ARRB2: variants seen among roughly 807,000 people sequenced by gnomAD.
ARRB2 encodes the protein beta-arrestin-2.
A neutral mutation model predicts 53.4 loss-of-function variants in ARRB2; 21 were observed. The ratio of observed to expected loss-of-function variants is 0.39; its 90% confidence interval spans 0.28 to 0.57. The LOEUF is 0.57. ARRB2 is among the 20% of genes least tolerant of loss of function. The pLI, the probability that ARRB2 is intolerant of heterozygous loss-of-function variation, is 0.55. For synonymous variants in ARRB2, 180 were observed against 212.9 expected, an observed-to-expected ratio of 0.85 and a Z score of 1.34; for missense variants, 369 against 527.5, an observed-to-expected ratio of 0.70 and a Z score of 2.94.
rs761635740 is a variant in ARRB2, at chr17:4,717,210, G to A, written c.358-7G>A. 26 of 1,613,670 alleles carry A rather than the reference G, an allele frequency of 1.6e-5. 1 individual carries two copies. In the East Asian group the frequency reaches 2.0e-4, roughly 12 times the overall value. On this transcript the variant is annotated splice_region_variant and splice_polypyrimidine_tract_variant and intron_variant, in intron 5 of 14. Transcript: ENST00000269260. The surrounding 1 kb of genome is among the most constrained non-coding windows in gnomAD (Gnocchi z 6.0). ...AGAACTGAAGTCTTCTCCTTCCTCCGCCACAGATACCCCAGAATCTTCCAT... is the reference window on the plus strand; with the variant it reads ...AGAACTGAAGTCTTCTCCTTCCTCCACCACAGATACCCCAGAATCTTCCAT...
Position 4,721,104 on chromosome 17 carries a change from A to G in ARRB2, c.*65A>G. 6.7e-7 allele frequency: 1 copy of G among 1,483,680 alleles called. No individual in the cohort carries two copies. Among genetic ancestry groups the G allele is most frequent in the African/African-American group, 1.4e-5 (1 of 72,250 alleles). 91.9% of individuals were successfully genotyped at this position (1,483,680 alleles called of 1,614,324 possible). On this transcript the variant is annotated 3_prime_UTR_variant, in exon 15 of 15. Coordinates refer to ENST00000269260, the MANE Select transcript of ARRB2 (RefSeq NM_004313.4). The surrounding 1 kb of genome is among the most constrained non-coding windows in gnomAD (Gnocchi z 4.2). ...AGGTGAGGGCAGGATTAAGATCCCC[A>G]CTGTCAATGGGGGATTGTCCCAGCC...
At position 4,717,428 on chromosome 17, in the gene ARRB2, G is replaced by A. The variant is rs1915188435; in HGVS notation, c.417+152G>A. 1 of 1,025,304 alleles carries A rather than the reference G, an allele frequency of 9.8e-7. No homozygotes were observed. Among genetic ancestry groups the A allele is most frequent in the Admixed American group, 1.9e-5 (1 of 51,282 alleles). 63.5% of individuals were successfully genotyped at this position (1,025,304 alleles called of 1,614,324 possible). A position where few individuals can be genotyped will look rare whatever the true frequency, so the allele number is the denominator to read the frequency against. ...CCCGTGGAAGTGGGGCGTATGTGGTGGTCATTGTGCACGCATGACACTGCC... is the reference window on the plus strand; with the variant it reads ...CCCGTGGAAGTGGGGCGTATGTGGTAGTCATTGTGCACGCATGACACTGCC... On this transcript the variant is annotated intron_variant, in intron 6 of 14. Coordinates refer to ENST00000269260, the MANE Select transcript of ARRB2 (RefSeq NM_004313.4). This position sits in a 1 kb window ranked among gnomAD's most constrained non-coding sequence, Gnocchi z 6.0.
At chr17:4,718,450 C>G (rs1915305449) in intron 9 of ARRB2, 105 bp downstream of exon 9, 3 of 1,361,970 alleles carry the variant, frequency 2.2e-6, no homozygotes, top group Admixed American at 1.8e-5. Flanking sequence ...GGAGACCCAC[C>G]AGGGCTCAAA....
chr17:4,714,967 G>GCTGAGTGTGGGGTCCCTT, intron 1 of ARRB2, 46 bp from the exon 2 acceptor site: 1 of 1,573,584 alleles, frequency 6.4e-7, no homozygotes. Context: ...TGGGGTCCCT[G>GCTGAGTGTGGGGTCCCTT]CTGAGTCTGA....
intron 2 of ARRB2, chr17:4,715,564 C>CA (rs1914901260): frequency 4.2e-6 from 1 of 239,216 alleles, no homozygotes; most frequent in African/African-American, 2.9e-5. Flanking sequence ...AACACACACA[C>CA]ACGGACACAC....
At chr17:4,716,982 G>A (rs751694090) in intron 5 of ARRB2, 13 of 586,894 alleles carry the variant, frequency 2.2e-5, no homozygotes, top group East Asian at 1.8e-4. Flanking sequence ...TTACAGGCAC[G>A]CACCACCACA....
rs761556531 is a variant in ARRB2 at position 4,718,350 on chromosome 17, G to A, written c.706+5G>A. The A allele has an allele frequency of 1.2e-6, 2 of 1,608,632 alleles. No individual in the cohort carries two copies. The highest frequency in any genetic ancestry group is 8.5e-7 in the Non-Finnish European group (1 of 1,177,208). On this transcript the variant is annotated splice_donor_5th_base_variant and intron_variant, in intron 9 of 14. Coordinates refer to ENST00000269260, the MANE Select transcript of ARRB2 (RefSeq NM_004313.4). ...TCAAGAAGATCAAAGTCTCTGGTAGGAGGTGGGGTTTGGAAGGGGGTCTTC... is the reference window on the plus strand; with the variant it reads ...TCAAGAAGATCAAAGTCTCTGGTAGAAGGTGGGGTTTGGAAGGGGGTCTTC...
chr17:4,720,319 C>T lies in ARRB2; in HGVS notation c.1001+20C>T. The T allele has an allele frequency of 6.2e-7, 1 of 1,613,874 alleles. No homozygotes were observed. The highest frequency in any genetic ancestry group is 8.5e-7 in the Non-Finnish European group (1 of 1,179,920). ...AGGCGGGTGAGTGTCATGGGGGAGC[C>T]TGGGTGGGGGTCACACTGGCTCTCT... On this transcript the variant is annotated intron_variant, in intron 12 of 14. Coordinates refer to ENST00000269260, the MANE Select transcript of ARRB2 (RefSeq NM_004313.4).
At position 4,717,280 on chromosome 17, in the gene ARRB2, C is replaced by G; in HGVS notation, c.417+4C>G. ...AGGCCCAGAGGATACAGGAAAGGTA[C>G]GGGAGGAACAGCTCTGAGGGCTCCT... On this transcript the variant is annotated splice_donor_region_variant and intron_variant, in intron 6 of 14. Coordinates refer to ENST00000269260, the MANE Select transcript of ARRB2 (RefSeq NM_004313.4). The surrounding 1 kb of genome is among the most constrained non-coding windows in gnomAD (Gnocchi z 6.0). The G allele has an allele frequency of 1.2e-6, 2 of 1,614,024 alleles. No individual in the cohort carries two copies. The highest frequency in any genetic ancestry group is 1.3e-5 in the African/African-American group (1 of 75,038).
intron 1 of ARRB2, among the ~76,000 whole-genome samples, chr17:4,714,164 A>G (rs1237386798): frequency 6.6e-6 from 1 of 152,106 alleles, no homozygotes; most frequent in Non-Finnish European, 1.5e-5. Context: ...GTGCTACCAC[A>G]CCACAAGTAA....
At chr17:4,719,766 G>A (rs1264733334) in intron 11 of ARRB2, among the ~76,000 whole-genome samples, 2 of 152,126 alleles carry the variant, frequency 1.3e-5, no homozygotes, top group African/African-American at 4.8e-5. Flanking sequence ...GCAGCCTGGG[G>A]TGTTGGAGGA....
chr17:4,713,831 G>A (rs977906301), intron 1 of ARRB2, among the ~76,000 whole-genome samples: 3 of 151,384 alleles, frequency 2.0e-5, no homozygotes, highest in Non-Finnish European at 4.4e-5. Flanking sequence ...GGGCATGGTG[G>A]CTCACTCCTG....
rs1915181145 is a variant in ARRB2, at chr17:4,717,372, C to G, written c.417+96C>G. ...AGCCAGAGGGTGAACTGTCGAGATG[C>G]CAGGGTGGGGCCGAGGGTAGGCCAG... On this transcript the variant is annotated intron_variant, in intron 6 of 14. Transcript: ENST00000269260. The surrounding 1 kb of genome is among the most constrained non-coding windows in gnomAD (Gnocchi z 6.0). 1 of 1,471,642 alleles carries G rather than the reference C, an allele frequency of 6.8e-7. No homozygotes were observed. The highest frequency in any genetic ancestry group is 1.1e-5 in the South Asian group (1 of 88,120). The allele number at this position is 1,471,642 out of a possible 1,614,324, so 91.2% of individuals were successfully genotyped here.
In ARRB2 at chr17:4,717,150, T is replaced by G; in HGVS notation, c.358-67T>G. On this transcript the variant is annotated intron_variant, in intron 5 of 14. Transcript: ENST00000269260. This position sits in a 1 kb window ranked among gnomAD's most constrained non-coding sequence, Gnocchi z 6.0. ...CACCCAGCGTCTCCAGCCTCTTAGG[T>G]TGAGATTTGGAGGAAGATCTGGGGG... 2.6e-6 allele frequency: 4 copies of G among 1,547,146 alleles called. No homozygotes were observed. The highest frequency in any genetic ancestry group is 3.6e-6 in the Non-Finnish European group (4 of 1,119,782).
At chr17:4,713,312 T>C (rs189551801) in intron 1 of ARRB2, among the ~76,000 whole-genome samples, 195 of 151,818 alleles carry the variant, frequency 1.3e-3, no homozygotes, top group African/African-American at 4.4e-3. Flanking sequence ...CTGGCCAACA[T>C]GGGGAAACCC....
In ARRB2 at chr17:4,719,746, CAG is replaced by C. The variant is rs1216274488; in HGVS notation, c.917+329_917+330del. On this transcript the variant is annotated intron_variant, in intron 11 of 14. Transcript: ENST00000269260. ...TCTGGGCAGAGAGAAAACAAAGACT[CAG>C]AGGTGGGGCAGCCTGGGGTGTTGGA... Among the ~76,000 whole-genome samples, 19 of 152,180 alleles carry C rather than the reference CAG, an allele frequency of 1.2e-4. No individual in the cohort carries two copies. In the South Asian group the frequency reaches 1.5e-3, roughly 12 times the overall value.
chr17:4,716,192 G>T lies in ARRB2; in HGVS notation c.160+1G>T. The T allele has an allele frequency of 6.2e-7, 1 of 1,614,054 alleles. No homozygotes were observed. Among genetic ancestry groups the T allele is most frequent in the Non-Finnish European group, 8.5e-7 (1 of 1,180,014 alleles). On this transcript the variant is annotated splice_donor_variant, in intron 4 of 14. Coordinates refer to ENST00000269260, the MANE Select transcript of ARRB2 (RefSeq NM_004313.4). LOFTEE classifies it high-confidence loss of function. Reference sequence around the variant, plus strand: ...CCTGACTACCTGAAGGACCGCAAAGGTACTGGCCCCAAGTCCAGGGGGCCC... The same window carrying T: ...CCTGACTACCTGAAGGACCGCAAAGTTACTGGCCCCAAGTCCAGGGGGCCC...
Position 4,719,310 on chromosome 17 carries a change from C to A in ARRB2, c.807C>A (p.Phe269Leu), listed in dbSNP as rs781150452. 1.1e-5 allele frequency: 17 copies of A among 1,613,918 alleles called. No homozygotes were observed. The South Asian group carries it at 1.5e-4, about 15-fold the overall frequency. Residue 269 changes from phenylalanine (F) to leucine (L), a missense_variant, in exon 11 of 15, where the codon TTC becomes TTA. Coordinates refer to ENST00000269260, the MANE Select transcript of ARRB2 (RefSeq NM_004313.4). The part of the protein sequence containing the change: ...QDDQVSPSST[F>L]CKVYTITPLL... ...ACCAGGTATCTCCCAGCTCCACATT[C>A]TGTAAGGTGTACACCATAACCCCAC...
intron 5 of ARRB2, 120 bp downstream of exon 5, chr17:4,716,728 C>T: frequency 6.9e-7 from 1 of 1,448,352 alleles, no homozygotes. Flanking sequence ...ACCCTAGATC[C>T]ACTTCCCTTC....
Sources: allele counts gnomAD v4.1 joint callset (sites outside exome capture counted in the v4.1 genomes callset), GRCh38; gene constraint gnomAD v4.1.1; non-coding constraint Gnocchi (gnomAD v3.1); transcripts MANE v1.5; gene names NCBI Gene and HGNC (gene_info 2026-07-23, HGNC 2026-07-21).